The following TACR1 variants were observed in gnomAD, a reference collection of about 807,000 sequenced individuals.
The protein encoded by TACR1 is substance-P receptor.
TACR1 carries 25 observed loss-of-function variants against 35.8 expected under a neutral mutation model. The ratio of observed to expected loss-of-function variants is 0.70; its 90% CI spans 0.51 to 0.98. The LOEUF is 0.98. TACR1 is among the 50% of genes least tolerant of loss of function. The pLI is 0.00. For synonymous variants in TACR1, 195 were observed against 206.7 expected, an observed-to-expected ratio of 0.94 and a Z score of 0.48; for missense variants, 478 against 522.9, an observed-to-expected ratio of 0.91 and a Z score of 0.84.
At chr2:75,088,274 G>A (rs1673227930) in intron 2 of TACR1, among the ~76,000 whole-genome samples, 1 of 151,994 alleles carries the variant, frequency 6.6e-6, no homozygotes, top group African/African-American at 2.4e-5. Flanking sequence ...CCACCCTTAT[G>A]TCCTGGCCCT....
intron 2 of TACR1, among the ~76,000 whole-genome samples, chr2:75,080,937 T>C (rs2103832765): frequency 6.6e-6 from 1 of 152,230 alleles, no homozygotes; most frequent in South Asian, 2.1e-4. Flanking sequence ...GGGTAGAAAT[T>C]AGATAAGGAA....
At chr2:75,103,939 T>C (rs1462078257) in intron 2 of TACR1, among the ~76,000 whole-genome samples, 1 of 151,970 alleles carries the variant, frequency 6.6e-6, no homozygotes, top group East Asian at 1.9e-4. Context: ...AATCAAAGCA[T>C]ACTATTATAG....
Position 75,105,385 on chromosome 2 carries a change from G to A in TACR1, c.584+15189C>T, listed in dbSNP as rs150019911. ...GTAGTTTCTAGGGGCTGGAGGTGGA[G>A]GGGAATGGAGATGTTGGTCAAAGGG... is the stretch of plus-strand genomic sequence containing the variant. On this transcript the variant is annotated intron_variant, in intron 2 of 4. Coordinates refer to ENST00000305249, the MANE Select transcript of TACR1 (RefSeq NM_001058.4). 2.2e-3 allele frequency among the ~76,000 whole-genome samples: 342 copies of A among 152,108 alleles called. 4 individuals carry two copies. The highest frequency in any genetic ancestry group is 7.4e-3 in the African/African-American group (309 of 41,534).
intron 1 of TACR1, among the ~76,000 whole-genome samples, chr2:75,167,726 A>AT (rs1675179561): frequency 6.6e-6 from 1 of 152,234 alleles, no homozygotes; most frequent in Non-Finnish European, 1.5e-5. Flanking sequence ...TATATTATGT[A>AT]GAACTCTGAA....
intron 1 of TACR1, among the ~76,000 whole-genome samples, chr2:75,127,757 G>T (rs1674101678): frequency 6.6e-6 from 1 of 152,192 alleles, no homozygotes; most frequent in Non-Finnish European, 1.5e-5. Flanking sequence ...ATGAGACGAG[G>T]TGATTCCAGA....
chr2:75,167,627 C>G (rs1170379619), intron 1 of TACR1, among the ~76,000 whole-genome samples: 1 of 152,040 alleles, frequency 6.6e-6, no homozygotes. Context: ...CTCACTCATA[C>G]AAAAACTACA....
Position 75,048,487 on chromosome 2 carries a change from C to T in TACR1, c.*945G>A, listed in dbSNP as rs180973519. The T allele has an allele frequency of 5.3e-5, 8 of 152,334 alleles. No homozygotes were observed. The highest frequency in any genetic ancestry group is 4.6e-4 in the Admixed American group (7 of 15,302). 9.4% of individuals were successfully genotyped at this position (152,334 alleles called of 1,614,324 possible). ...GGAGAATGTCTGAGATGGATAGTTA[C>T]AGATGGCCTTAGCAGTTGCTACATC... On this transcript the variant is annotated 3_prime_UTR_variant, in exon 5 of 5. Coordinates refer to ENST00000305249, the MANE Select transcript of TACR1 (RefSeq NM_001058.4).
chr2:75,189,478 T>G (rs1470002354), intron 1 of TACR1: 1 of 152,216 alleles, frequency 6.6e-6, no homozygotes, highest in Non-Finnish European at 1.5e-5. Flanking sequence ...TCAATATACA[T>G]TGCTTTGTAT....
At position 75,080,719 on chromosome 2, in the gene TACR1, C is replaced by T. The variant is rs185667304; in HGVS notation, c.585-26964G>A. 2.5e-3 allele frequency among the ~76,000 whole-genome samples: 384 copies of T among 152,250 alleles called. 3 individuals carry two copies. Among genetic ancestry groups the T allele is most frequent in the African/African-American group, 9.0e-3 (375 of 41,554 alleles). On this transcript the variant is annotated intron_variant, in intron 2 of 4. Coordinates refer to ENST00000305249, the MANE Select transcript of TACR1 (RefSeq NM_001058.4). ...CAGGCAGGGTTAGCAGATCCATTGC[C>T]TACTTCCCAGGCCTGTTGTGAGGAT...
At chr2:75,064,585 C>A (rs1002603497) in intron 2 of TACR1, among the ~76,000 whole-genome samples, 1 of 152,070 alleles carries the variant, frequency 6.6e-6, no homozygotes, top group Non-Finnish European at 1.5e-5. Context: ...AGAAAGAGTG[C>A]GAGTGCACCT....
intron 2 of TACR1, among the ~76,000 whole-genome samples, chr2:75,070,213 G>A (rs1672849742): frequency 7.5e-6 from 1 of 133,462 alleles, no homozygotes; most frequent in Non-Finnish European, 1.5e-5. Flanking sequence ...CCCCAACATT[G>A]TATGTATGTG....
At chr2:75,177,375 C>T (rs1572982149) in intron 1 of TACR1, among the ~76,000 whole-genome samples, 1 of 152,140 alleles carries the variant, frequency 6.6e-6, no homozygotes, top group Non-Finnish European at 1.5e-5. Context: ...TTCTTGTCGT[C>T]CTCACTTCCA....
intron 2 of TACR1, among the ~76,000 whole-genome samples, chr2:75,100,199 G>A (rs1287307890): frequency 6.6e-6 from 1 of 152,166 alleles, no homozygotes; most frequent in Non-Finnish European, 1.5e-5. Context: ...TTCAGATTCT[G>A]GTTTTGCCAC....
At chr2:75,120,531 C>A in intron 2 of TACR1, 43 bp downstream of exon 2, 3 of 1,536,372 alleles carry the variant, frequency 2.0e-6, no homozygotes. Flanking sequence ...GGAAGGCAGC[C>A]TGCACCATCG....
intron 1 of TACR1, among the ~76,000 whole-genome samples, chr2:75,148,688 G>A (rs1390030171): frequency 6.6e-6 from 1 of 152,108 alleles, no homozygotes; most frequent in East Asian, 1.9e-4. Flanking sequence ...TCATTCTGAT[G>A]ATAGTTTCTT....
intron 1 of TACR1, among the ~76,000 whole-genome samples, chr2:75,185,447 T>A (rs1169842391): frequency 6.6e-6 from 1 of 151,986 alleles, no homozygotes; most frequent in South Asian, 2.1e-4. Context: ...ATATAAAAAA[T>A]TTTTATATCA....
intron 1 of TACR1, among the ~76,000 whole-genome samples, chr2:75,142,630 A>T (rs1674431511): frequency 6.6e-6 from 1 of 152,178 alleles, no homozygotes; most frequent in Non-Finnish European, 1.5e-5. Context: ...CAAATAAGGA[A>T]TTTACAGGCT....
intron 1 of TACR1, among the ~76,000 whole-genome samples, chr2:75,140,282 G>A (rs1178713153): frequency 6.6e-6 from 1 of 152,046 alleles, no homozygotes; most frequent in African/African-American, 2.4e-5. Flanking sequence ...AAGGCAAGGG[G>A]CTAATGAAAA....
At chr2:75,184,305 T>C (rs2104058762) in intron 1 of TACR1, among the ~76,000 whole-genome samples, 1 of 152,274 alleles carries the variant, frequency 6.6e-6, no homozygotes, top group East Asian at 1.9e-4. Flanking sequence ...TTAAATGATG[T>C]AATTTTAAAA....
Sources: allele counts gnomAD v4.1 joint callset (sites outside exome capture counted in the v4.1 genomes callset), GRCh38; gene constraint gnomAD v4.1.1; transcripts MANE v1.5; gene names NCBI Gene and HGNC (gene_info 2026-07-23, HGNC 2026-07-21).